The following VEGFC variants were observed in gnomAD, a reference collection of about 807,000 sequenced individuals.
VEGFC encodes vascular endothelial growth factor C, also known as FLT4 ligand DHM.
Under a neutral mutation model 46.1 loss-of-function variants are expected in VEGFC, and 12 were observed. That is an observed-to-expected ratio of 0.26 (90% CI 0.17 to 0.42). The LOEUF (loss-of-function observed/expected upper bound fraction) is 0.42. Ranked by LOEUF, VEGFC falls within the 10% of genes least tolerant of loss-of-function variation. The probability of loss-of-function intolerance (pLI) is 1.00; values close to 1 mark genes in which losing one functional copy is unlikely to be tolerated. For synonymous variants in VEGFC, 232 were observed against 195.5 expected, an observed-to-expected ratio of 1.19 and a Z score of -1.56; for missense variants, 488 against 529.4, an observed-to-expected ratio of 0.92 and a Z score of 0.77.
At chr4:176,747,817 T>C (rs1248173936) in intron 1 of VEGFC, among the ~76,000 whole-genome samples, 2 of 151,608 alleles carry the variant, frequency 1.3e-5, no homozygotes, top group East Asian at 3.9e-4. Context: ...AAAATCAAGT[T>C]CTCTTTCATT....
intron 1 of VEGFC, among the ~76,000 whole-genome samples, chr4:176,737,547 G>A (rs1172433060): frequency 6.6e-6 from 1 of 150,604 alleles, no homozygotes; most frequent in Non-Finnish European, 1.5e-5. Context: ...AGTTTGAAAA[G>A]AAAATATACC....
At chr4:176,753,689 C>T (rs1324754037) in intron 1 of VEGFC, among the ~76,000 whole-genome samples, 4 of 151,982 alleles carry the variant, frequency 2.6e-5, no homozygotes, top group African/African-American at 9.7e-5. Context: ...ATTTAAGGCA[C>T]AGAAAATGCA....
At chr4:176,755,461 T>C (rs764314904) in intron 1 of VEGFC, among the ~76,000 whole-genome samples, 9 of 151,970 alleles carry the variant, frequency 5.9e-5, no homozygotes, top group Non-Finnish European at 1.3e-4. Flanking sequence ...AGAATTAAAC[T>C]CCAGATACCC....
rs144802279 is a variant in VEGFC at position 176,751,124 on chromosome 4, G to A, written c.148-21378C>T. Among the ~76,000 whole-genome samples, 314 of 151,796 alleles carry A rather than the reference G, an allele frequency of 2.1e-3. 1 individual carries two copies. Among genetic ancestry groups the A allele is most frequent in the African/African-American group, 7.2e-3 (297 of 41,518 alleles). On this transcript the variant is annotated intron_variant, in intron 1 of 6. Coordinates refer to ENST00000618562, the MANE Select transcript of VEGFC (RefSeq NM_005429.5). ...AAGAAGTTAGAAAAAGAATGAAAATGTACTTAAACAATCTAAAAGGAAGGA... is the reference window on the plus strand; with the variant it reads ...AAGAAGTTAGAAAAAGAATGAAAATATACTTAAACAATCTAAAAGGAAGGA...
chr4:176,760,160 C>A (rs975563153), intron 1 of VEGFC, among the ~76,000 whole-genome samples: 24 of 152,010 alleles, frequency 1.6e-4, no homozygotes, highest in African/African-American at 5.8e-4. Context: ...TTTATTTTCT[C>A]TGAATATAGC....
intron 1 of VEGFC, among the ~76,000 whole-genome samples, chr4:176,778,766 A>G (rs989743573): frequency 2.6e-5 from 4 of 152,130 alleles, no homozygotes; most frequent in Non-Finnish European, 5.9e-5. Flanking sequence ...ATTTGCTCTG[A>G]TCTAAACACC....
intron 4 of VEGFC, among the ~76,000 whole-genome samples, chr4:176,706,982 CAT>C (rs1345958110): frequency 2.6e-5 from 4 of 152,174 alleles, no homozygotes; most frequent in Non-Finnish European, 5.9e-5. Flanking sequence ...TAAATCAAAT[CAT>C]AGAGAATGTA....
intron 1 of VEGFC, among the ~76,000 whole-genome samples, chr4:176,735,379 A>C (rs1203178391): frequency 6.6e-6 from 1 of 151,932 alleles, no homozygotes; most frequent in Non-Finnish European, 1.5e-5. Context: ...TAACAATTTA[A>C]ATTTCCACTG....
At chr4:176,747,681 CTACTCAGGACACTGA>C (rs1307464000) in intron 1 of VEGFC, among the ~76,000 whole-genome samples, 3 of 152,012 alleles carry the variant, frequency 2.0e-5, no homozygotes, top group Admixed American at 6.6e-5. Flanking sequence ...GTAGTCCCAG[CTACTCAGGACACTGA>C]GGCAGGAGGA....
At chr4:176,765,925 T>C (rs1020208890) in intron 1 of VEGFC, among the ~76,000 whole-genome samples, 1 of 151,806 alleles carries the variant, frequency 6.6e-6, no homozygotes, top group African/African-American at 2.4e-5. Context: ...AGATTGATAG[T>C]GGATGTAATA....
chr4:176,712,869 G>A (rs1261270061), intron 3 of VEGFC, among the ~76,000 whole-genome samples: 1 of 152,120 alleles, frequency 6.6e-6, no homozygotes, highest in Non-Finnish European at 1.5e-5. Context: ...CATTTAAAAT[G>A]TAACTACTTT....
At chr4:176,782,468 A>T (rs559485915) in intron 1 of VEGFC, among the ~76,000 whole-genome samples, 27 of 135,696 alleles carry the variant, frequency 2.0e-4, no homozygotes, top group South Asian at 6.4e-4. Context: ...GTCTCAAATT[A>T]AAAAAAAAAA....
At chr4:176,722,609 C>A (rs972730866) in intron 3 of VEGFC, among the ~76,000 whole-genome samples, 1 of 151,768 alleles carries the variant, frequency 6.6e-6, no homozygotes, top group Non-Finnish European at 1.5e-5. Context: ...AATCCTCCCA[C>A]CTCAGCTACC....
At chr4:176,728,819 T>G (rs1173029858) in intron 2 of VEGFC, among the ~76,000 whole-genome samples, 1 of 152,198 alleles carries the variant, frequency 6.6e-6, no homozygotes, top group Non-Finnish European at 1.5e-5. Flanking sequence ...TTATAGCGAT[T>G]AAGAGCTACC....
rs1012302429 is a variant in VEGFC at position 176,683,768 on chromosome 4, C to T, written c.*158G>A. On this transcript the variant is annotated 3_prime_UTR_variant, in exon 7 of 7. Coordinates refer to ENST00000618562, the MANE Select transcript of VEGFC (RefSeq NM_005429.5). ...CAAGAGGCCTTTTGCAGATGAGCTC[C>T]AGTCCATTTCTGTAAAGTTATCCAC... is the stretch of plus-strand genomic sequence containing the variant. 1.1e-5 allele frequency: 6 copies of T among 532,550 alleles called. No individual in the cohort carries two copies. The South Asian group carries it at 1.4e-4, about 12-fold the overall frequency. The allele number at this position is 532,550 out of a possible 1,614,324, so 33.0% of individuals were successfully genotyped here. A position where few individuals can be genotyped will look rare whatever the true frequency, so the allele number is the denominator to read the frequency against.
At chr4:176,708,933 T>C (rs1025529323) in intron 4 of VEGFC, among the ~76,000 whole-genome samples, 3 of 152,188 alleles carry the variant, frequency 2.0e-5, no homozygotes, top group East Asian at 1.9e-4. Flanking sequence ...AGTTTATATA[T>C]AAGTAAACTG....
chr4:176,739,528 T>G (rs1735118972), intron 1 of VEGFC, among the ~76,000 whole-genome samples: 1 of 151,738 alleles, frequency 6.6e-6, no homozygotes. Context: ...CACTTATAAG[T>G]GGGAGCTGAA....
At chr4:176,728,873 AT>A (rs546504656) in intron 2 of VEGFC, among the ~76,000 whole-genome samples, 67 of 151,970 alleles carry the variant, frequency 4.4e-4, no homozygotes, top group African/African-American at 1.5e-3. Context: ...CCACTTTTTA[AT>A]TTTTTTTAAT....
chr4:176,709,327 TC>T (rs1384066372), intron 4 of VEGFC, among the ~76,000 whole-genome samples: 1 of 152,188 alleles, frequency 6.6e-6, no homozygotes, highest in East Asian at 1.9e-4. Flanking sequence ...CAGGAATGGC[TC>T]AAGTATTTTT....
Sources: allele counts gnomAD v4.1 joint callset (sites outside exome capture counted in the v4.1 genomes callset), GRCh38; gene constraint gnomAD v4.1.1; transcripts MANE v1.5; gene names NCBI Gene and HGNC (gene_info 2026-07-23, HGNC 2026-07-21).